MIDEAS: variants seen among roughly 807,000 people sequenced by gnomAD.
MIDEAS encodes mitotic deacetylase-associated SANT domain protein.
Under a neutral mutation model 102.7 loss-of-function variants are expected in MIDEAS, and 26 were observed. That is an observed-to-expected ratio of 0.25 (90% confidence interval 0.19 to 0.35). The LOEUF (loss-of-function observed/expected upper bound fraction) is 0.35. Ranked by LOEUF, MIDEAS falls within the 10% of genes least tolerant of loss-of-function variation. MIDEAS has a pLI of 1.00. For synonymous variants in MIDEAS, 585 were observed against 591.0 expected (o/e 0.99, Z 0.15); for missense variants, 1,231 against 1,435.6 (o/e 0.86, Z 2.30).
chr14:73,764,455 A>C (rs569715591), upstream of MIDEAS, among the ~76,000 whole-genome samples: 58 of 151,566 alleles, frequency 3.8e-4, no homozygotes, highest in African/African-American at 1.4e-3. Flanking sequence ...GCCTAGAGAG[A>C]CTTTTTCTGG....
rs571294401 is a variant in MIDEAS, at chr14:73,729,695, G to C, written c.2040C>G (p.Ile680Met). The change falls in exon 4 of 13, where the codon ATC (isoleucine) becomes ATG (methionine). Residue 680 changes from isoleucine to methionine, a missense_variant. Physicochemically the swap from Ile to Met is conservative, Grantham distance 10. Around this residue, in one of 5 missense-constraint regions of MIDEAS, gnomAD observed 391 missense variants for 483.0 expected, o/e 0.81. Coordinates refer to ENST00000423556, the MANE Select transcript of MIDEAS (RefSeq NM_001367710.1). ...YFNAIISTST[I>M]PAPPPITPKS... ...TAGGCGTGATGGGAGGAGGGGCAGG[G>C]ATGGTGCTGGTTGATATGATGGCAT... is the stretch of plus-strand genomic sequence containing the variant. 1 of 1,613,942 alleles carries C rather than the reference G, an allele frequency of 6.2e-7. No homozygotes were observed. Among genetic ancestry groups the C allele is most frequent in the African/African-American group, 1.3e-5 (1 of 75,084 alleles).
Position 73,739,304 on chromosome 14 carries a change from C to T in MIDEAS, c.705G>A (p.Pro235=), listed in dbSNP as rs762307364. The T allele has an allele frequency of 1.2e-5, 20 of 1,610,630 alleles. No homozygotes were observed. Among genetic ancestry groups the T allele is most frequent in the Admixed American group, 6.7e-5 (4 of 59,940 alleles). Residue 235 remains proline (P), a synonymous_variant, in exon 2 of 13, where the codon CCG becomes CCA. Coordinates refer to ENST00000423556, the MANE Select transcript of MIDEAS (RefSeq NM_001367710.1). ...VNRQVFRQGP[P]PPNPVAAFPP... ...GGAAGGCAGCCACCGGGTTTGGGGGCGGTGGGCCCTGCCGGAAGACCTGCC... is the reference window on the plus strand; with the variant it reads ...GGAAGGCAGCCACCGGGTTTGGGGGTGGTGGGCCCTGCCGGAAGACCTGCC...
intron 3 of MIDEAS, 43 bp from the exon 4 acceptor site, chr14:73,730,028 C>A: frequency 6.3e-7 from 1 of 1,589,716 alleles, no homozygotes; most frequent in South Asian, 1.1e-5. Context: ...CCCCCCGTGT[C>A]CCAGAGAAAG....
At chr14:73,790,188 T>G (rs1306821540), upstream of MIDEAS, 1 of 152,258 alleles carries the variant, frequency 6.6e-6, no homozygotes, top group Non-Finnish European at 1.5e-5. Context: ...ATTTCCTCTC[T>G]GGCTGGAACA....
chr14:73,768,811 A>G (rs1157361238), intron 1 of MIDEAS, among the ~76,000 whole-genome samples: 1 of 152,084 alleles, frequency 6.6e-6, no homozygotes, highest in East Asian at 1.9e-4. Context: ...TTTAAATCAG[A>G]AAACAAACTA....
At position 73,721,477 on chromosome 14, in the gene MIDEAS, G is replaced by A; in HGVS notation, c.2757C>T (p.Pro919=). The A allele has an allele frequency of 6.2e-7, 1 of 1,614,066 alleles. No individual in the cohort carries two copies. Among genetic ancestry groups the A allele is most frequent in the South Asian group, 1.1e-5 (1 of 91,082 alleles). The part of the protein sequence containing the change: ...TSQKFPRVPL[P]RRESPSEERL... ...TCTCTTCACTTGGGGACTCTCTTCT[G>A]GGAAGAGGCACCCTTGGGAACTTTT... Residue 919 remains proline, a synonymous_variant, in exon 11 of 13, where the codon CCC becomes CCT. Coordinates refer to ENST00000423556, the MANE Select transcript of MIDEAS (RefSeq NM_001367710.1).
chr14:73,727,213 G>A, intron 5 of MIDEAS: 1 of 628,226 alleles, frequency 1.6e-6, no homozygotes, highest in Non-Finnish European at 2.7e-6. Flanking sequence ...AAGAGCCTCT[G>A]GACCCCCCTT....
At position 73,725,956 on chromosome 14, in the gene MIDEAS, C is replaced by T. The variant is rs1424251159; in HGVS notation, c.2485+77G>A. ...CCCGCCCCCACCCAGGGCTGTGACT[C>T]AGCACTGAGCAGGGCCCCATGGATG... On this transcript the variant is annotated intron_variant, in intron 8 of 12. Coordinates refer to ENST00000423556, the MANE Select transcript of MIDEAS (RefSeq NM_001367710.1). This position sits in a 1 kb window ranked among gnomAD's most constrained non-coding sequence, Gnocchi z 4.1. The T allele has an allele frequency of 5.4e-6, 7 of 1,290,606 alleles. No homozygotes were observed. Among genetic ancestry groups the T allele is most frequent in the African/African-American group, 1.5e-5 (1 of 67,804 alleles). The allele number at this position is 1,290,606 out of a possible 1,614,324, so 79.9% of individuals were successfully genotyped here. A position where few individuals can be genotyped will look rare whatever the true frequency, so the allele number is the denominator to read the frequency against.
At position 73,740,096 on chromosome 14, in the gene MIDEAS, G is replaced by A; in HGVS notation, c.-88C>T. The A allele has an allele frequency of 1.4e-6, 2 of 1,404,008 alleles. No homozygotes were observed. Among genetic ancestry groups the A allele is most frequent in the Non-Finnish European group, 9.3e-7 (1 of 1,079,774 alleles). The allele number at this position is 1,404,008 out of a possible 1,614,324, so 87.0% of individuals were successfully genotyped here. On this transcript the variant is annotated 5_prime_UTR_variant, in exon 2 of 13. Coordinates refer to ENST00000423556, the MANE Select transcript of MIDEAS (RefSeq NM_001367710.1). ...ACGTCCTGCTGGAAGCCGGGCTCTA[G>A]TCCAGGAGCCAGGGAGGGCAGAGCA...
rs148286292 is a variant in MIDEAS at position 73,739,403 on chromosome 14, G to A, written c.606C>T (p.His202=). The A allele has an allele frequency of 3.8e-4, 599 of 1,579,946 alleles. 1 individual carries two copies. The highest frequency in any genetic ancestry group is 4.6e-4 in the Non-Finnish European group (531 of 1,161,322). Residue 202 remains histidine, a synonymous_variant, in exon 2 of 13, where the codon CAC becomes CAT. Transcript: ENST00000423556. The part of the protein sequence containing the change: ...GRPQAPLNSF[H]AAKKPPNQSL... ...ACTGGTTTGGGGGTTTCTTGGCTGC[G>A]TGGAAAGAATTCAGGGGTGCCTGGG...
intron 3 of MIDEAS, among the ~76,000 whole-genome samples, chr14:73,735,531 G>T (rs1181005939): frequency 6.6e-6 from 1 of 152,142 alleles, no homozygotes; most frequent in East Asian, 1.9e-4. Context: ...TAAATAGAAA[G>T]ATATAAACTG....
chr14:73,738,607 T>C lies in MIDEAS; in HGVS notation c.1402A>G (p.Thr468Ala). 1 of 1,608,502 alleles carries C rather than the reference T, an allele frequency of 6.2e-7. No homozygotes were observed. Among genetic ancestry groups the C allele is most frequent in the Non-Finnish European group, 8.5e-7 (1 of 1,177,016 alleles). ...RRASQEANLLTLAQKAVELAS... is the reference protein window; with the variant it reads ...RRASQEANLLALAQKAVELAS... ...AGCTCCACAGCCTTCTGGGCCAGGG[T>C]CAGCAAATTGGCCTCCTGGGATGCC... Residue 468 changes from threonine to alanine, a missense_variant, in exon 2 of 13, where the codon ACC (threonine) becomes GCC (alanine). By Grantham distance (58) the Thr-to-Ala change is moderately conservative. Transcript: ENST00000423556.
intron 1 of MIDEAS, among the ~76,000 whole-genome samples, chr14:73,785,291 G>C (rs1359161258): frequency 6.6e-6 from 1 of 152,296 alleles, no homozygotes; most frequent in Admixed American, 6.5e-5. Context: ...ACAAGACACT[G>C]TTTGCCTTCT....
At chr14:73,778,362 CAA>C (rs1389802174) in intron 1 of MIDEAS, among the ~76,000 whole-genome samples, 1 of 106,068 alleles carries the variant, frequency 9.4e-6, no homozygotes. Flanking sequence ...GACTCTGTCT[CAA>C]AAAAAAAAAA....
intron 1 of MIDEAS, among the ~76,000 whole-genome samples, chr14:73,772,794 A>AGTGTGTGTGTGTGTGTGTGTGT (rs61402555): frequency 1.5e-5 from 2 of 135,628 alleles, no homozygotes; most frequent in African/African-American, 5.7e-5. Context: ...TTCAAGTTCT[A>AGTGTGTGTGTGTGTGTGTGTGT]GTGTGTGTGT....
intron 1 of MIDEAS, among the ~76,000 whole-genome samples, chr14:73,774,087 T>C (rs2053667926): frequency 6.7e-6 from 1 of 149,488 alleles, no homozygotes; most frequent in South Asian, 2.2e-4. Context: ...AGAAAGCCAC[T>C]CCTCCACAGG....
Position 73,721,388 on chromosome 14 carries a change from A to G in MIDEAS, c.2846T>C (p.Ile949Thr). Reference protein sequence around the residue: ...RKEGEEEVPEIQEKEEQEEGR... With the variant: ...RKEGEEEVPETQEKEEQEEGR... ...CTCTTCCTGCTCCTCCTTCTCTTGG[A>G]TCTCTGGCACCTCCTCCTCCCCCTC... Residue 949 changes from isoleucine (I) to threonine (T), a missense_variant, in exon 11 of 13, where the codon ATC becomes ACC. Coordinates refer to ENST00000423556, the MANE Select transcript of MIDEAS (RefSeq NM_001367710.1). The G allele has an allele frequency of 6.2e-7, 1 of 1,613,416 alleles. No homozygotes were observed. The highest frequency in any genetic ancestry group is 8.5e-7 in the Non-Finnish European group (1 of 1,179,840).
Position 73,725,912 on chromosome 14 carries a change from G to T in MIDEAS, c.2485+121C>A. On this transcript the variant is annotated intron_variant, in intron 8 of 12. Transcript: ENST00000423556. The surrounding 1 kb of genome is among the most constrained non-coding windows in gnomAD (Gnocchi z 4.1). ...GGCAGTTCCCTCACTCTGACTCTTG[G>T]CTTATCTACCCTCCTCCTCCCGCCC... The T allele has an allele frequency of 2.3e-6, 2 of 853,666 alleles. No individual in the cohort carries two copies. Among genetic ancestry groups the T allele is most frequent in the Non-Finnish European group, 3.8e-6 (2 of 530,880 alleles). 52.9% of individuals were successfully genotyped at this position (853,666 alleles called of 1,614,324 possible). A position where few individuals can be genotyped will look rare whatever the true frequency, so the allele number is the denominator to read the frequency against.
At chr14:73,777,067 C>CAA (rs35173697) in intron 1 of MIDEAS, among the ~76,000 whole-genome samples, 4 of 150,604 alleles carry the variant, frequency 2.7e-5, no homozygotes, top group Admixed American at 6.6e-5. Flanking sequence ...AAGACTGTCT[C>CAA]AAAAAAAATA....
Sources: allele counts gnomAD v4.1 joint callset (sites outside exome capture counted in the v4.1 genomes callset), GRCh38; gene constraint gnomAD v4.1.1; regional missense constraint gnomAD v4.1.1; non-coding constraint Gnocchi (gnomAD v3.1); transcripts MANE v1.5; gene names NCBI Gene and HGNC (gene_info 2026-07-23, HGNC 2026-07-21).